The following MYO1D variants were observed in gnomAD, a reference collection of about 807,000 sequenced individuals.
MYO1D encodes myosin ID, also known as unconventional myosin-Id.
MYO1D carries 83 observed loss-of-function variants against 122.0 expected under a neutral mutation model. That is an observed-to-expected ratio of 0.68 (90% CI 0.57 to 0.82). The LOEUF is 0.82. MYO1D is among the 40% of genes least tolerant of loss of function. MYO1D has a pLI of 0.00. For missense variants in MYO1D, 1,157 were observed against 1,269.5 expected, an observed-to-expected ratio of 0.91 and a Z score of 1.35; for synonymous variants, 464 against 446.9, an observed-to-expected ratio of 1.04 and a Z score of -0.48.
chr17:32,792,144 C>T (rs2052412), intron 1 of MYO1D, among the ~76,000 whole-genome samples: 74,904 of 151,984 alleles, frequency 0.49, 18,756 homozygotes, highest in East Asian at 0.72. Context: ...AGTATAAATA[C>T]AATGGTAGCT....
Position 32,609,881 on chromosome 17 carries a change from A to C in MYO1D, c.2710-4640T>G, listed in dbSNP as rs1036932946. Among the ~76,000 whole-genome samples, 3 of 152,182 alleles carry C rather than the reference A, an allele frequency of 2.0e-5. No homozygotes were observed. The East Asian group carries it at 5.8e-4, about 29-fold the overall frequency. On this transcript the variant is annotated intron_variant, in intron 20 of 21. Coordinates refer to ENST00000318217, the MANE Select transcript of MYO1D (RefSeq NM_015194.3). The stretch of plus-strand genomic sequence containing the variant: ...GAATATAGCAAACTCTCTGCCACTT[A>C]CATGTACTGGATCCAGATGATTTTT...
chr17:32,851,640 C>T (rs752348226), intron 1 of MYO1D, among the ~76,000 whole-genome samples: 1 of 152,230 alleles, frequency 6.6e-6, no homozygotes. Flanking sequence ...GCACCAGGAA[C>T]AGGTTCTGTG....
intron 6 of MYO1D, among the ~76,000 whole-genome samples, chr17:32,769,985 G>A (rs2090097312): frequency 6.6e-6 from 1 of 152,200 alleles, no homozygotes; most frequent in Non-Finnish European, 1.5e-5. Flanking sequence ...CTTTCCAGGT[G>A]TTGATTTCAC....
intron 21 of MYO1D, among the ~76,000 whole-genome samples, chr17:32,565,367 G>C (rs1035239052): frequency 6.6e-6 from 1 of 152,300 alleles, no homozygotes; most frequent in South Asian, 2.1e-4. Flanking sequence ...TTGTAGCAAC[G>C]AAAGGCACCC....
In MYO1D at chr17:32,615,826, A is replaced by G. The variant is rs1227153605; in HGVS notation, c.2710-10585T>C. On this transcript the variant is annotated intron_variant, in intron 20 of 21. Transcript: ENST00000318217. ...TGAATCTTAAGGGTCTTGTCCCACA[A>G]TAGCTCACGAGGAGCCCAAGGTATG... Among the ~76,000 whole-genome samples the G allele has an allele frequency of 7.2e-5, 11 of 152,232 alleles. No homozygotes were observed. In the East Asian group the frequency reaches 1.5e-3, roughly 21 times the overall value.
At chr17:32,823,603 T>C (rs2090694883) in intron 1 of MYO1D, among the ~76,000 whole-genome samples, 1 of 152,104 alleles carries the variant, frequency 6.6e-6, no homozygotes, top group South Asian at 2.1e-4. Flanking sequence ...GGAAAACTGA[T>C]AATAGTAATA....
intron 21 of MYO1D, among the ~76,000 whole-genome samples, chr17:32,561,357 T>C (rs970832820): frequency 2.6e-5 from 4 of 151,958 alleles, no homozygotes; most frequent in Non-Finnish European, 5.9e-5. Context: ...CTCTCTCCTT[T>C]TTTTTTAATT....
At chr17:32,811,131 A>G (rs553223974) in intron 1 of MYO1D, among the ~76,000 whole-genome samples, 1 of 152,342 alleles carries the variant, frequency 6.6e-6, no homozygotes, top group Admixed American at 6.5e-5. Flanking sequence ...AGAAAAGAGG[A>G]AGGAGCAGTT....
intron 1 of MYO1D, among the ~76,000 whole-genome samples, chr17:32,826,470 G>T (rs983421557): frequency 6.6e-6 from 1 of 152,214 alleles, no homozygotes; most frequent in Non-Finnish European, 1.5e-5. Context: ...ATATTTAGTT[G>T]CAAATGAGTA....
chr17:32,848,481 T>A (rs1391487232), intron 1 of MYO1D, among the ~76,000 whole-genome samples: 1 of 152,218 alleles, frequency 6.6e-6, no homozygotes, highest in Non-Finnish European at 1.5e-5. Context: ...AGTAAAACAT[T>A]ACCAAAACAT....
intron 21 of MYO1D, among the ~76,000 whole-genome samples, chr17:32,517,494 C>T (rs114137991): frequency 1.3e-5 from 2 of 152,158 alleles, no homozygotes; most frequent in African/African-American, 4.8e-5. Context: ...CTTGATTGCA[C>T]GTTAAGCTTA....
chr17:32,551,503 G>A (rs1046038843), intron 21 of MYO1D, among the ~76,000 whole-genome samples: 2 of 151,734 alleles, frequency 1.3e-5, no homozygotes, highest in Admixed American at 6.6e-5. Flanking sequence ...CATTGGACAC[G>A]TCCAGCTTTA....
intron 3 of MYO1D, among the ~76,000 whole-genome samples, chr17:32,778,241 A>G (rs1207098052): frequency 1.3e-5 from 2 of 152,228 alleles, no homozygotes; most frequent in Non-Finnish European, 2.9e-5. Flanking sequence ...ATAATTAGGT[A>G]AAGCTTACCA....
chr17:32,859,443 A>G (rs1372257464), intron 1 of MYO1D, among the ~76,000 whole-genome samples: 3 of 152,156 alleles, frequency 2.0e-5, no homozygotes, highest in Admixed American at 6.6e-5. Context: ...ACTTGGCTCC[A>G]AACTCTAATC....
intron 21 of MYO1D, among the ~76,000 whole-genome samples, chr17:32,568,492 A>G (rs1306077693): frequency 1.3e-5 from 2 of 152,244 alleles, no homozygotes; most frequent in East Asian, 1.9e-4. Flanking sequence ...TATCTGATTC[A>G]TTCATTTGCT....
chr17:32,850,206 C>G (rs1210706084), intron 1 of MYO1D, among the ~76,000 whole-genome samples: 1 of 152,130 alleles, frequency 6.6e-6, no homozygotes. Context: ...CTCTTTACAT[C>G]CTTTAAAACT....
At chr17:32,570,705 C>T (rs1406435053) in intron 21 of MYO1D, among the ~76,000 whole-genome samples, 1 of 152,120 alleles carries the variant, frequency 6.6e-6, no homozygotes, top group South Asian at 2.1e-4. Context: ...GCTTTCAAAG[C>T]TCCTTTCAAA....
chr17:32,687,445 C>A (rs2089034108), intron 16 of MYO1D, among the ~76,000 whole-genome samples: 1 of 152,168 alleles, frequency 6.6e-6, no homozygotes, highest in African/African-American at 2.4e-5. Context: ...GATCCACCCG[C>A]CTTGGCCTCC....
chr17:32,638,960 G>T, intron 19 of MYO1D, 125 bp from the exon 20 acceptor site: 1 of 621,632 alleles, frequency 1.6e-6, no homozygotes, highest in Non-Finnish European at 2.9e-6. Flanking sequence ...ATGCAATAAA[G>T]ATTTAAAAGG....
Sources: allele counts gnomAD v4.1 joint callset (sites outside exome capture counted in the v4.1 genomes callset), GRCh38; gene constraint gnomAD v4.1.1; transcripts MANE v1.5; gene names NCBI Gene and HGNC (gene_info 2026-07-23, HGNC 2026-07-21).